Variants in SMURF2 observed in about 807,000 individuals in gnomAD.
SMURF2 encodes SMAD specific E3 ubiquitin protein ligase 2.
Under a neutral mutation model 109.6 loss-of-function variants are expected in SMURF2, and 48 were observed. The ratio of observed to expected loss-of-function variants is 0.44; its 90% confidence interval spans 0.35 to 0.56. SMURF2 has a LOEUF of 0.56. SMURF2 is among the 20% of genes least tolerant of loss of function. SMURF2 has a pLI of 0.01. For synonymous variants in SMURF2, 288 were observed against 317.1 expected (o/e 0.91, Z 0.97); for missense variants, 575 against 909.0 (o/e 0.63, Z 4.72).
At chr17:64,632,796 A>G (rs554789249) in intron 1 of SMURF2, among the ~76,000 whole-genome samples, 2 of 152,318 alleles carry the variant, frequency 1.3e-5, no homozygotes, top group South Asian at 4.1e-4. Context: ...CGCTTAAGAG[A>G]AGGGCTGTGA....
intron 1 of SMURF2, among the ~76,000 whole-genome samples, chr17:64,627,111 CTTTTTTT>C: frequency 8.3e-6 from 1 of 120,114 alleles, no homozygotes; most frequent in South Asian, 2.5e-4. Flanking sequence ...AGTTTTTTTC[CTTTTTTT>C]TTTTTTTTTT....
At chr17:64,592,140 C>T (rs1969758901) in intron 4 of SMURF2, among the ~76,000 whole-genome samples, 1 of 152,218 alleles carries the variant, frequency 6.6e-6, no homozygotes, top group African/African-American at 2.4e-5. Flanking sequence ...GGCATGCTCC[C>T]TTTGCCAGCA....
intron 10 of SMURF2, among the ~76,000 whole-genome samples, chr17:64,569,471 G>C (rs1225508256): frequency 2.0e-5 from 3 of 151,810 alleles, no homozygotes; most frequent in Admixed American, 2.0e-4. Flanking sequence ...AAAAAAAGTT[G>C]ATGCAGCTGG....
Position 64,608,126 on chromosome 17 carries a change from T to C in SMURF2, c.53-1486A>G, listed in dbSNP as rs997303882. ...AAAGAAAAACATCAATTTTCATATA[T>C]GTAAATTTTAGTTCATAAAATACCT... On this transcript the variant is annotated intron_variant, in intron 1 of 18. Coordinates refer to ENST00000262435, the MANE Select transcript of SMURF2 (RefSeq NM_022739.4). Among the ~76,000 whole-genome samples, 24 of 152,150 alleles carry C rather than the reference T, an allele frequency of 1.6e-4. 1 individual carries two copies. Among genetic ancestry groups the C allele is most frequent in the African/African-American group, 5.5e-4 (23 of 41,554 alleles).
rs1970525213 is a variant in SMURF2 at position 64,644,090 on chromosome 17, C to G, written c.52+17739G>C. Among the ~76,000 whole-genome samples, 3 of 152,162 alleles carry G rather than the reference C, an allele frequency of 2.0e-5. No homozygotes were observed. In the South Asian group the frequency reaches 6.2e-4, roughly 32 times the overall value. On this transcript the variant is annotated intron_variant, in intron 1 of 18. Transcript: ENST00000262435. Reference sequence around the variant, plus strand: ...GCACAATCTTGGCTCACTGCAACCTCTGCCTGCTGGGCTCAAACCATCCTC... The same window carrying G: ...GCACAATCTTGGCTCACTGCAACCTGTGCCTGCTGGGCTCAAACCATCCTC...
rs782810927 is a variant in SMURF2 at position 64,586,180 on chromosome 17, G to A, written c.401-10C>T. 6.4e-7 allele frequency: 1 copy of A among 1,565,500 alleles called. No homozygotes were observed. The highest frequency in any genetic ancestry group is 8.7e-7 in the Non-Finnish European group (1 of 1,145,232). On this transcript the variant is annotated splice_polypyrimidine_tract_variant and intron_variant, in intron 5 of 18. Coordinates refer to ENST00000262435, the MANE Select transcript of SMURF2 (RefSeq NM_022739.4). ...CTGGACTGAAGACTTACTATTAAAT[G>A]ACAGAAATATTACTAAGATTCATAC...
intron 8 of SMURF2, 80 bp downstream of exon 8, chr17:64,580,709 T>C (rs2144636918): frequency 7.1e-7 from 1 of 1,410,368 alleles, no homozygotes; most frequent in East Asian, 2.3e-5. Context: ...TTAATAACTT[T>C]TTCAAAATAT....
At chr17:64,609,638 A>C (rs1479476846) in intron 1 of SMURF2, among the ~76,000 whole-genome samples, 4 of 128,456 alleles carry the variant, frequency 3.1e-5, no homozygotes, top group Non-Finnish European at 6.2e-5. Context: ...TACATTAAAG[A>C]CTTAAACGTA....
chr17:64,564,988 T>G (rs1481253615), intron 10 of SMURF2, among the ~76,000 whole-genome samples: 1 of 152,220 alleles, frequency 6.6e-6, no homozygotes, highest in Non-Finnish European at 1.5e-5. Flanking sequence ...CTATCTTCAC[T>G]GTGGTGATGG....
intron 2 of SMURF2, among the ~76,000 whole-genome samples, chr17:64,600,390 G>C (rs1432042298): frequency 3.3e-5 from 5 of 152,212 alleles, no homozygotes; most frequent in Non-Finnish European, 5.9e-5. Context: ...CATTGGGATA[G>C]AGTAGATTTC....
At chr17:64,605,079 A>G (rs1969950779) in intron 2 of SMURF2, among the ~76,000 whole-genome samples, 1 of 152,014 alleles carries the variant, frequency 6.6e-6, no homozygotes, top group South Asian at 2.1e-4. Flanking sequence ...AAAAAAAAGT[A>G]CACCTCAGTT....
intron 1 of SMURF2, among the ~76,000 whole-genome samples, chr17:64,648,056 CTTAAA>C (rs1314918705): frequency 5.8e-4 from 29 of 50,332 alleles, no homozygotes; most frequent in African/African-American, 2.6e-3. Flanking sequence ...GACCCTATCT[CTTAAA>C]AAAAAAAAAA....
intron 8 of SMURF2, 126 bp from the exon 9 acceptor site, chr17:64,578,702 T>A (rs1436279965): frequency 8.1e-6 from 5 of 620,170 alleles, no homozygotes; most frequent in African/African-American, 3.7e-5. Context: ...TTATTTATTA[T>A]CAAAAAAGGG....
chr17:64,657,817 G>T (rs1392107398), intron 1 of SMURF2, among the ~76,000 whole-genome samples: 1 of 151,886 alleles, frequency 6.6e-6, no homozygotes, highest in Non-Finnish European at 1.5e-5. Flanking sequence ...TTAGTATGTT[G>T]TGATAGTAAT....
intron 1 of SMURF2, 88 bp downstream of exon 1, chr17:64,661,741 C>A (rs1041477777): frequency 1.0e-6 from 1 of 988,820 alleles, no homozygotes; most frequent in Non-Finnish European, 1.3e-6. Flanking sequence ...TCATTGATCG[C>A]GACCCTGGCC....
intron 9 of SMURF2, among the ~76,000 whole-genome samples, chr17:64,576,565 G>A (rs1179263281): frequency 6.6e-6 from 1 of 151,066 alleles, no homozygotes; most frequent in Non-Finnish European, 1.5e-5. Context: ...TCAGGAGGCT[G>A]AGGCAGGAGA....
intron 10 of SMURF2, among the ~76,000 whole-genome samples, chr17:64,566,866 C>G (rs868947284): frequency 1.4e-5 from 2 of 146,450 alleles, no homozygotes; most frequent in Middle Eastern, 3.9e-3. Context: ...CATCGTGCCC[C>G]GCTGACAGAG....
intron 12 of SMURF2, among the ~76,000 whole-genome samples, chr17:64,559,860 G>T (rs565282718): frequency 1.3e-5 from 2 of 150,964 alleles, no homozygotes; most frequent in African/African-American, 4.9e-5. Context: ...TGATTCCCCT[G>T]CCTCAGCCTC....
chr17:64,649,013 C>T (rs782596263), intron 1 of SMURF2, among the ~76,000 whole-genome samples: 15 of 152,064 alleles, frequency 9.9e-5, no homozygotes, highest in Non-Finnish European at 2.2e-4. Context: ...TTCTTCTTCA[C>T]TGGAGGAAGA....
Sources: gnomAD v4.1 joint callset for allele counts (sites outside exome capture counted in the v4.1 genomes callset) on GRCh38, gnomAD v4.1.1 for gene constraint, MANE v1.5 for transcripts, NCBI Gene and HGNC (gene_info 2026-07-23, HGNC 2026-07-21) for gene names.